Variants in KCNH7 observed in about 807,000 individuals in gnomAD.
KCNH7 encodes the protein potassium voltage-gated channel subfamily H member 7, also known as voltage-gated inwardly rectifying potassium channel KCNH7.
A neutral mutation model predicts 120.8 loss-of-function variants in KCNH7; 49 were observed. The observed-to-expected ratio is 0.41, with a 90% confidence interval of 0.32 to 0.51. KCNH7 has a LOEUF of 0.51. Among genes scored for constraint, KCNH7 ranks in the 20% least tolerant of loss-of-function variants. KCNH7 has a pLI of 0.38. For missense variants in KCNH7, 1,097 were observed against 1,446.6 expected (o/e 0.76, Z 3.92); for synonymous variants, 547 against 516.1 (o/e 1.06, Z -0.81).
intron 9 of KCNH7, among the ~76,000 whole-genome samples, chr2:162,405,951 C>T (rs1687200930): frequency 6.6e-6 from 1 of 151,900 alleles, no homozygotes; most frequent in Non-Finnish European, 1.5e-5. Context: ...TTATATGTCA[C>T]TCTTCTGTCA....
chr2:162,454,054 C>T (rs190584310), intron 6 of KCNH7, among the ~76,000 whole-genome samples: 8 of 152,184 alleles, frequency 5.3e-5, no homozygotes, highest in African/African-American at 1.4e-4. Context: ...AATGGTAGTG[C>T]CTAGGTTTTC....
chr2:162,757,088 T>G (rs983867426), intron 2 of KCNH7, among the ~76,000 whole-genome samples: 1 of 152,194 alleles, frequency 6.6e-6, no homozygotes, highest in Non-Finnish European at 1.5e-5. Context: ...TTTAAAAATA[T>G]TTTTTCTATG....
At chr2:162,778,858 T>C (rs995550786) in intron 2 of KCNH7, among the ~76,000 whole-genome samples, 1 of 152,058 alleles carries the variant, frequency 6.6e-6, no homozygotes, top group Non-Finnish European at 1.5e-5. Context: ...CTACTTACAG[T>C]AAATTTATTC....
At chr2:162,648,689 T>G (rs1342644587) in intron 2 of KCNH7, among the ~76,000 whole-genome samples, 1 of 152,200 alleles carries the variant, frequency 6.6e-6, no homozygotes, top group Non-Finnish European at 1.5e-5. Flanking sequence ...CAGAGCCAAA[T>G]CCAGGTTTCC....
chr2:162,472,563 G>A (rs919512012), intron 6 of KCNH7, among the ~76,000 whole-genome samples: 1 of 152,142 alleles, frequency 6.6e-6, no homozygotes, highest in African/African-American at 2.4e-5. Context: ...CACTTAGAAT[G>A]GCAATCATTA....
chr2:162,617,687 G>T (rs1333864657), intron 2 of KCNH7, among the ~76,000 whole-genome samples: 1 of 152,030 alleles, frequency 6.6e-6, no homozygotes, highest in Non-Finnish European at 1.5e-5. Context: ...AAATTGTCTG[G>T]CAACCGATAT....
At chr2:162,457,005 G>T (rs1417069238) in intron 6 of KCNH7, among the ~76,000 whole-genome samples, 1 of 151,724 alleles carries the variant, frequency 6.6e-6, no homozygotes, top group Non-Finnish European at 1.5e-5. Context: ...TGTTTGAATT[G>T]GTCAATTTTA....
At chr2:162,471,364 G>A (rs7560624) in intron 6 of KCNH7, among the ~76,000 whole-genome samples, 73 of 152,198 alleles carry the variant, frequency 4.8e-4, no homozygotes, top group African/African-American at 1.7e-3. Flanking sequence ...GGTCTCCTGT[G>A]TATATATTTG....
At position 162,490,091 on chromosome 2, in the gene KCNH7, T is replaced by C. The variant is rs139309268; in HGVS notation, c.1128+14352A>G. Among the ~76,000 whole-genome samples, 221 of 152,360 alleles carry C rather than the reference T, an allele frequency of 1.5e-3. 1 individual carries two copies. The highest frequency in any genetic ancestry group is 2.0e-3 in the Non-Finnish European group (133 of 68,026). ...TGGAAAGAAGTTAGCCAGCTTGCTT[T>C]AGGCAGACAGTAAGGGGAGGGTCCC... On this transcript the variant is annotated intron_variant, in intron 6 of 15. Coordinates refer to ENST00000332142, the MANE Select transcript of KCNH7 (RefSeq NM_033272.4).
chr2:162,387,971 C>T (rs1686623946), intron 12 of KCNH7, among the ~76,000 whole-genome samples: 1 of 151,730 alleles, frequency 6.6e-6, no homozygotes, highest in South Asian at 2.1e-4. Context: ...ATTTAAGGTG[C>T]TCTCTCAGCA....
chr2:162,391,876 T>C (rs558269382), intron 12 of KCNH7, among the ~76,000 whole-genome samples: 23 of 152,128 alleles, frequency 1.5e-4, no homozygotes, highest in Non-Finnish European at 2.6e-4. Context: ...AGATTAACTC[T>C]GTGGAAGAAC....
intron 2 of KCNH7, among the ~76,000 whole-genome samples, chr2:162,569,165 C>T (rs1693372529): frequency 6.6e-6 from 1 of 151,672 alleles, no homozygotes; most frequent in Non-Finnish European, 1.5e-5. Context: ...GTCCTGGACT[C>T]TTTTTGGTTG....
At chr2:162,735,345 T>G (rs1687867914) in intron 2 of KCNH7, among the ~76,000 whole-genome samples, 1 of 152,182 alleles carries the variant, frequency 6.6e-6, no homozygotes, top group Non-Finnish European at 1.5e-5. Context: ...AAGGTTAAAA[T>G]TATAATAGGA....
At chr2:162,510,173 G>C (rs557270735) in intron 5 of KCNH7, among the ~76,000 whole-genome samples, 35 of 151,626 alleles carry the variant, frequency 2.3e-4, no homozygotes, top group Middle Eastern at 6.8e-3. Flanking sequence ...CTTTCACAAT[G>C]GTTTACATTT....
intron 13 of KCNH7, among the ~76,000 whole-genome samples, chr2:162,380,357 T>C (rs974278765): frequency 1.3e-5 from 2 of 152,172 alleles, no homozygotes; most frequent in Admixed American, 1.3e-4. Flanking sequence ...TGTGCTTTTA[T>C]ATCTAGAAGG....
At chr2:162,619,998 T>C (rs1285056189) in intron 2 of KCNH7, among the ~76,000 whole-genome samples, 1 of 151,750 alleles carries the variant, frequency 6.6e-6, no homozygotes. Context: ...TCCAACATAC[T>C]GGGAATAAGA....
At chr2:162,464,871 G>T (rs1689259002) in intron 6 of KCNH7, among the ~76,000 whole-genome samples, 1 of 152,016 alleles carries the variant, frequency 6.6e-6, no homozygotes, top group Non-Finnish European at 1.5e-5. Flanking sequence ...GGCGTCTAAA[G>T]TGGTGGTTCC....
intron 2 of KCNH7, among the ~76,000 whole-genome samples, chr2:162,828,379 T>A (rs551628017): frequency 6.6e-6 from 1 of 152,286 alleles, no homozygotes; most frequent in East Asian, 1.9e-4. Flanking sequence ...AAGTCATTGA[T>A]ACAGACTTCA....
At chr2:162,402,542 C>T (rs1307869344) in intron 9 of KCNH7, among the ~76,000 whole-genome samples, 1 of 151,286 alleles carries the variant, frequency 6.6e-6, no homozygotes, top group East Asian at 2.0e-4. Flanking sequence ...CTGAATAATT[C>T]TAAGTAGCCC....
Sources: allele counts gnomAD v4.1 joint callset (sites outside exome capture counted in the v4.1 genomes callset), GRCh38; gene constraint gnomAD v4.1.1; transcripts MANE v1.5; gene names NCBI Gene and HGNC (gene_info 2026-07-23, HGNC 2026-07-21).